DMXL1: variants seen among roughly 807,000 people sequenced by gnomAD.
DMXL1 encodes dmX-like protein 1.
DMXL1 carries 99 observed loss-of-function variants against 319.2 expected under a neutral mutation model. The observed-to-expected ratio is 0.31, with a 90% CI of 0.26 to 0.37. The LOEUF (loss-of-function observed/expected upper bound fraction) is 0.37, where lower values mean the gene tolerates loss of function less well. Among genes scored for constraint, DMXL1 ranks in the 10% least tolerant of loss-of-function variants. The pLI is 1.00. For synonymous variants in DMXL1, 1,385 were observed against 1,235.2 expected (o/e 1.12, Z -2.54); for missense variants, 3,745 against 3,595.6 (o/e 1.04, Z -1.06).
Position 119,240,611 on chromosome 5 carries a change from A to G in DMXL1, c.8704+140A>G, listed in dbSNP as rs538750992. 87 of 614,936 alleles carry G rather than the reference A, an allele frequency of 1.4e-4. 1 individual carries two copies. In the South Asian group the frequency reaches 1.7e-3, roughly 12 times the overall value. 38.1% of individuals were successfully genotyped at this position (614,936 alleles called of 1,614,324 possible). A position where few individuals can be genotyped will look rare whatever the true frequency, so the allele number is the denominator to read the frequency against. ...CTTTTGCCCAGGATGGCAGGATTTG[A>G]AAGCAAAAAGATGCAATATACGTAA... On this transcript the variant is annotated intron_variant, in intron 42 of 43. Transcript: ENST00000539542.
chr5:119,240,104 A>C (rs111490558), intron 41 of DMXL1, among the ~76,000 whole-genome samples: 265 of 152,210 alleles, frequency 1.7e-3, no homozygotes, highest in Non-Finnish European at 2.9e-3. Flanking sequence ...CTCCATCTCT[A>C]CAAAAAAAAA....
intron 19 of DMXL1, among the ~76,000 whole-genome samples, chr5:119,159,900 A>G (rs1771915863): frequency 6.6e-6 from 1 of 152,246 alleles, no homozygotes. Flanking sequence ...CTGGTATTAC[A>G]GGCATGAGCC....
intron 42 of DMXL1, among the ~76,000 whole-genome samples, chr5:119,244,091 T>A (rs554042008): frequency 6.6e-6 from 1 of 152,130 alleles, no homozygotes; most frequent in Non-Finnish European, 1.5e-5. Flanking sequence ...TCAACCAGGG[T>A]TCCTCTCCTG....
intron 10 of DMXL1, chr5:119,132,674 CA>C (rs372333927): frequency 0.23 from 72,237 of 319,612 alleles, 203 homozygotes; most frequent in South Asian, 0.28. Context: ...GACTCCGTCT[CA>C]AAAAAAAAAA....
In DMXL1 at chr5:119,149,845, C is replaced by G. The variant is rs993973809; in HGVS notation, c.4018C>G (p.Arg1340Gly). ...GGAACTCATGGATCTTGGTAAAGTT[C>G]GGAGAGCCAAGGCCATCTTGTCCCA... ...LLELMDLGKV[R>G]RAKAILSHLV... is the part of the protein sequence containing the mutation. The change falls in exon 18 of 44, where the codon CGG (arginine) becomes GGG (glycine). Residue 1340 changes from arginine to glycine, a missense_variant. Arg to Gly is a moderately radical substitution (Grantham distance 125). Around this residue, in one of 4 missense-constraint regions of DMXL1, gnomAD observed 2,096 missense variants for 1,985.4 expected, o/e 1.06. Transcript: ENST00000539542. The G allele has an allele frequency of 7.4e-6, 12 of 1,613,772 alleles. No homozygotes were observed. The highest frequency in any genetic ancestry group is 1.6e-4 in the Middle Eastern group (1 of 6,084).
chr5:119,076,344 A>G (rs966895305), intron 1 of DMXL1, among the ~76,000 whole-genome samples: 6 of 152,152 alleles, frequency 3.9e-5, no homozygotes, highest in African/African-American at 1.4e-4. Context: ...GTTTACTTTA[A>G]GGAAACCTTT....
intron 9 of DMXL1, among the ~76,000 whole-genome samples, chr5:119,123,421 A>G (rs1337648464): frequency 6.1e-5 from 5 of 82,098 alleles, no homozygotes; most frequent in Admixed American, 2.6e-4. Flanking sequence ...GAGAGGAGGG[A>G]GAGGGAGAGG....
chr5:119,149,569 G>C lies in DMXL1; in HGVS notation c.3742G>C (p.Glu1248Gln). 1.9e-6 allele frequency: 3 copies of C among 1,613,856 alleles called. No homozygotes were observed. In the East Asian group the frequency reaches 6.7e-5, roughly 36 times the overall value. ...YCQWQPSSKQ[E>Q]PVITDSYSGS... ...CCAATGGCAACCATCTTCTAAACAA[G>C]AACCTGTTATAACAGATTCGTACAG... The change falls in exon 18 of 44, where the codon GAA becomes CAA. Residue 1248 changes from glutamate (E) to glutamine (Q), a missense_variant. Glu to Gln is a conservative substitution (Grantham distance 29). Transcript: ENST00000539542.
chr5:119,151,431 T>A (rs1295289464), intron 18 of DMXL1, among the ~76,000 whole-genome samples: 1 of 152,174 alleles, frequency 6.6e-6, no homozygotes, highest in Non-Finnish European at 1.5e-5. Context: ...ATCTTGACAC[T>A]TTTAGAGATA....
intron 42 of DMXL1, among the ~76,000 whole-genome samples, chr5:119,241,750 A>G (rs769712320): frequency 6.6e-5 from 10 of 152,110 alleles, no homozygotes; most frequent in Admixed American, 1.3e-4. Flanking sequence ...ACTAAATACA[A>G]TGAAAAATTC....
chr5:119,232,600 G>A (rs1786974509), intron 38 of DMXL1, among the ~76,000 whole-genome samples: 1 of 152,116 alleles, frequency 6.6e-6, no homozygotes, highest in Non-Finnish European at 1.5e-5. Context: ...GTCTCAGAGA[G>A]ATTAAGTAAA....
chr5:119,245,245 A>C (rs2150764551), intron 43 of DMXL1, among the ~76,000 whole-genome samples: 1 of 152,240 alleles, frequency 6.6e-6, no homozygotes, highest in East Asian at 1.9e-4. Context: ...ATCAGTTTAG[A>C]CTAATCCCTA....
chr5:119,162,531 C>T (rs1268677659), intron 19 of DMXL1, among the ~76,000 whole-genome samples: 5 of 152,176 alleles, frequency 3.3e-5, no homozygotes, highest in African/African-American at 4.8e-5. Flanking sequence ...AAAAGGACTA[C>T]CTATGTCTCT....
chr5:119,084,699 C>G (rs140941431), intron 1 of DMXL1, among the ~76,000 whole-genome samples: 20 of 151,884 alleles, frequency 1.3e-4, no homozygotes, highest in African/African-American at 4.6e-4. Context: ...AACCCCATCT[C>G]TACTAAAAAT....
At chr5:119,129,564 C>T (rs1003241811) in intron 10 of DMXL1, 141 bp downstream of exon 10, 4 of 629,346 alleles carry the variant, frequency 6.4e-6, no homozygotes, top group Non-Finnish European at 1.1e-5. Context: ...ATTTAATAAT[C>T]TAATGTAGAT....
rs554343011 is a variant in DMXL1, at chr5:119,184,755, G to A, written c.7136-4953G>A. Among the ~76,000 whole-genome samples, 3 of 152,184 alleles carry A rather than the reference G, an allele frequency of 2.0e-5. No homozygotes were observed. In the South Asian group the frequency reaches 6.2e-4, roughly 32 times the overall value. On this transcript the variant is annotated intron_variant, in intron 28 of 43. Coordinates refer to ENST00000539542, the MANE Select transcript of DMXL1 (RefSeq NM_001290321.3). ...TATAGTGTTTTGTCTTTTTGTGACT[G>A]GCTTATTTCACCTAGTGTAATGTTC...
chr5:119,155,202 G>T (rs1442877552), intron 19 of DMXL1, among the ~76,000 whole-genome samples: 1 of 152,182 alleles, frequency 6.6e-6, no homozygotes, highest in Non-Finnish European at 1.5e-5. Flanking sequence ...ATCAAAGAAT[G>T]CCTCCAACTT....
chr5:119,165,304 A>G (rs372132468), intron 21 of DMXL1, 24 bp downstream of exon 21: 34 of 965,670 alleles, frequency 3.5e-5, no homozygotes, highest in Admixed American at 5.1e-5. Context: ...AAAAAAAAAA[A>G]GGGTGCTTCA....
At chr5:119,166,554 T>C (rs1773480413) in intron 21 of DMXL1, 62 bp from the exon 22 acceptor site, 6 of 1,443,714 alleles carry the variant, frequency 4.2e-6, no homozygotes, top group Non-Finnish European at 4.7e-6. Context: ...CTTTAGAAAA[T>C]TGATTCTGAT....
Sources: gnomAD v4.1 joint callset for allele counts (sites outside exome capture counted in the v4.1 genomes callset) on GRCh38, gnomAD v4.1.1 for gene constraint, gnomAD v4.1.1 regional missense constraint, MANE v1.5 for transcripts, NCBI Gene and HGNC (gene_info 2026-07-23, HGNC 2026-07-21) for gene names.